Variants in PTPRD observed in about 807,000 individuals in gnomAD.
PTPRD encodes protein tyrosine phosphatase receptor type D.
Under a neutral mutation model 214.5 loss-of-function variants are expected in PTPRD, and 34 were observed. The observed-to-expected ratio is 0.16, with a 90% CI of 0.12 to 0.21. PTPRD has a LOEUF of 0.21. Ranked by LOEUF, PTPRD falls within the 10% of genes least tolerant of loss-of-function variation. PTPRD has a pLI of 1.00. For synonymous variants in PTPRD, 1,128 were observed against 845.7 expected (o/e 1.33, Z -5.79); for missense variants, 2,545 against 2,398.7 (o/e 1.06, Z -1.27).
intron 9 of PTPRD, among the ~76,000 whole-genome samples, chr9:9,217,147 G>A (rs753151182): frequency 1.3e-5 from 2 of 152,046 alleles, no homozygotes; most frequent in Non-Finnish European, 2.9e-5. Flanking sequence ...TGTAGGGCTG[G>A]CAGTTTAAAG....
intron 2 of PTPRD, among the ~76,000 whole-genome samples, chr9:10,403,099 T>TAGAAATAA (rs1340368799): frequency 6.6e-6 from 1 of 150,974 alleles, no homozygotes; most frequent in Non-Finnish European, 1.5e-5. Flanking sequence ...AGATTAGGTA[T>TAGAAATAA]AGAAATAAAG....
chr9:9,186,394 G>C (rs144368456), intron 9 of PTPRD, among the ~76,000 whole-genome samples: 5 of 152,060 alleles, frequency 3.3e-5, no homozygotes, highest in African/African-American at 1.2e-4. Flanking sequence ...ACAGTTTCTA[G>C]TATTTGTATA....
At chr9:9,792,702 G>A (rs546252033) in intron 5 of PTPRD, among the ~76,000 whole-genome samples, 1 of 152,188 alleles carries the variant, frequency 6.6e-6, no homozygotes, top group South Asian at 2.1e-4. Flanking sequence ...AATCATAATA[G>A]CTCATTGAAA....
chr9:8,706,118 A>G (rs1259975440), intron 12 of PTPRD, among the ~76,000 whole-genome samples: 2 of 152,214 alleles, frequency 1.3e-5, no homozygotes, highest in Non-Finnish European at 2.9e-5. Flanking sequence ...GCCAATTATG[A>G]ATTTTATTAC....
intron 10 of PTPRD, 50 bp from the exon 11 acceptor site, chr9:9,018,785 T>C (rs2099547091): frequency 6.6e-6 from 1 of 152,196 alleles, no homozygotes; most frequent in South Asian, 2.1e-4. Context: ...AACGATGCTA[T>C]TAAAATACTG....
intron 3 of PTPRD, among the ~76,000 whole-genome samples, chr9:10,158,789 C>T (rs2099109616): frequency 1.3e-5 from 2 of 152,174 alleles, no homozygotes; most frequent in African/African-American, 4.8e-5. Flanking sequence ...CAACCAGCCT[C>T]CTCAGTACCT....
intron 2 of PTPRD, among the ~76,000 whole-genome samples, chr9:10,486,472 T>C (rs1385838884): frequency 6.6e-6 from 1 of 152,188 alleles, no homozygotes; most frequent in African/African-American, 2.4e-5. Context: ...GGCAGGTTTG[T>C]CAAAGATCAG....
intron 6 of PTPRD, among the ~76,000 whole-genome samples, chr9:9,748,692 A>G (rs1217458606): frequency 1.3e-5 from 2 of 152,190 alleles, no homozygotes; most frequent in African/African-American, 4.8e-5. Context: ...GGCTGAGCAA[A>G]TAAAAAAATT....
chr9:10,576,956 AT>A (rs1227467576), intron 2 of PTPRD, among the ~76,000 whole-genome samples: 1 of 110,540 alleles, frequency 9.0e-6, no homozygotes, highest in Non-Finnish European at 1.8e-5. Context: ...TTTTCATGCA[AT>A]TTTATTTCTA....
At chr9:8,695,189 A>T (rs1158157462) in intron 12 of PTPRD, among the ~76,000 whole-genome samples, 2 of 152,220 alleles carry the variant, frequency 1.3e-5, no homozygotes, top group African/African-American at 2.4e-5. Flanking sequence ...ATTCAAGAAC[A>T]GAAAAGGAAA....
intron 9 of PTPRD, among the ~76,000 whole-genome samples, chr9:9,374,841 C>A (rs1258540773): frequency 6.6e-6 from 1 of 152,168 alleles, no homozygotes; most frequent in Non-Finnish European, 1.5e-5. Context: ...TAAATGCTCT[C>A]ATGGTCTTAA....
chr9:9,223,358 T>C (rs1199473265), intron 9 of PTPRD, among the ~76,000 whole-genome samples: 2 of 151,976 alleles, frequency 1.3e-5, no homozygotes, highest in African/African-American at 4.8e-5. Context: ...AAAATCTTTA[T>C]TATAGGAAGC....
At chr9:8,972,227 T>C (rs1273089203) in intron 11 of PTPRD, among the ~76,000 whole-genome samples, 1 of 151,930 alleles carries the variant, frequency 6.6e-6, no homozygotes, top group Non-Finnish European at 1.5e-5. Flanking sequence ...ACGGGACTGG[T>C]GTTTAATAAA....
chr9:10,332,578 T>C (rs182019935), intron 3 of PTPRD, among the ~76,000 whole-genome samples: 99 of 151,944 alleles, frequency 6.5e-4, no homozygotes, highest in Admixed American at 3.4e-3. Flanking sequence ...TATGACATAC[T>C]ACATGCAGCA....
At chr9:10,458,805 C>G (rs2098936726) in intron 2 of PTPRD, among the ~76,000 whole-genome samples, 1 of 149,950 alleles carries the variant, frequency 6.7e-6, no homozygotes, top group South Asian at 2.1e-4. Context: ...CCACCAAAAA[C>G]TGTTAGGTCT....
intron 2 of PTPRD, among the ~76,000 whole-genome samples, chr9:10,586,548 A>T (rs1031304909): frequency 2.0e-5 from 3 of 152,104 alleles, no homozygotes; most frequent in African/African-American, 4.8e-5. Flanking sequence ...GTTAGTCATG[A>T]GGGAAATAAA....
At chr9:9,599,524 T>A (rs80190318) in intron 7 of PTPRD, among the ~76,000 whole-genome samples, 3,454 of 152,198 alleles carry the variant, frequency 0.023, 131 homozygotes, top group African/African-American at 0.078. Context: ...TGGAACTTTT[T>A]ACCTTGGCTG....
intron 5 of PTPRD, among the ~76,000 whole-genome samples, chr9:9,907,271 A>C (rs181773925): frequency 3.3e-5 from 5 of 152,086 alleles, no homozygotes; most frequent in Admixed American, 1.3e-4. Flanking sequence ...TTGGGTTCTT[A>C]TATAAGCATC....
chr9:9,491,229 T>C (rs2095879753), intron 8 of PTPRD, among the ~76,000 whole-genome samples: 1 of 151,814 alleles, frequency 6.6e-6, no homozygotes, highest in Admixed American at 6.6e-5. Context: ...ATATTAAAAA[T>C]TTCAATACAG....
Sources: gnomAD v4.1 joint callset for allele counts (sites outside exome capture counted in the v4.1 genomes callset) on GRCh38, gnomAD v4.1.1 for gene constraint, MANE v1.5 for transcripts, NCBI Gene and HGNC (gene_info 2026-07-23, HGNC 2026-07-21) for gene names.